PTPRM: variants seen among roughly 807,000 people sequenced by gnomAD.
The protein encoded by PTPRM is receptor-type tyrosine-protein phosphatase mu.
A neutral mutation model predicts 186.7 loss-of-function variants in PTPRM; 47 were observed. The ratio of observed to expected loss-of-function variants is 0.25; its 90% CI spans 0.20 to 0.32. The LOEUF is 0.32. PTPRM is among the 10% of genes least tolerant of loss of function. The pLI, the probability that PTPRM is intolerant of heterozygous loss-of-function variation, is 1.00. For missense variants in PTPRM, 1,494 were observed against 1,865.0 expected (o/e 0.80, Z 3.66); for synonymous variants, 668 against 674.9 (o/e 0.99, Z 0.16).
intron 11 of PTPRM, among the ~76,000 whole-genome samples, chr18:8,112,293 A>T (rs2091790004): frequency 6.6e-6 from 1 of 152,230 alleles, no homozygotes; most frequent in African/African-American, 2.4e-5. Flanking sequence ...AGAAGGTGCT[A>T]AGTGGTTGTG....
intron 3 of PTPRM, among the ~76,000 whole-genome samples, chr18:7,890,979 A>G (rs1389684669): frequency 6.6e-6 from 1 of 152,162 alleles, no homozygotes; most frequent in Non-Finnish European, 1.5e-5. Context: ...ATAAATACTT[A>G]AGAAAGTGGT....
intron 1 of PTPRM, among the ~76,000 whole-genome samples, chr18:7,605,744 C>G (rs548180846): frequency 4.1e-4 from 62 of 152,320 alleles, no homozygotes; most frequent in Non-Finnish European, 7.9e-4. Flanking sequence ...GGCCCTCATT[C>G]TGCAGTCTGA....
chr18:8,184,004 C>A (rs139066958), intron 14 of PTPRM, among the ~76,000 whole-genome samples: 1 of 152,162 alleles, frequency 6.6e-6, no homozygotes, highest in Non-Finnish European at 1.5e-5. Context: ...GCTGATCTCC[C>A]AAGATACTGG....
intron 14 of PTPRM, among the ~76,000 whole-genome samples, chr18:8,146,051 A>C (rs1051522690): frequency 1.5e-4 from 13 of 88,488 alleles, no homozygotes. Flanking sequence ...TTTGAGATGG[A>C]GTTGTTTGCT....
At chr18:7,708,709 A>G (rs1047898752) in intron 1 of PTPRM, among the ~76,000 whole-genome samples, 1 of 152,168 alleles carries the variant, frequency 6.6e-6, no homozygotes, top group Non-Finnish European at 1.5e-5. Context: ...TTATACTGGT[A>G]GAGGCTAGAC....
At chr18:7,666,529 T>G (rs911415698) in intron 1 of PTPRM, among the ~76,000 whole-genome samples, 15 of 152,184 alleles carry the variant, frequency 9.9e-5, no homozygotes, top group African/African-American at 3.4e-4. Flanking sequence ...CTGACGAGTC[T>G]TCACAGTACT....
chr18:7,677,316 T>C (rs1347766018), intron 1 of PTPRM, among the ~76,000 whole-genome samples: 1 of 152,182 alleles, frequency 6.6e-6, no homozygotes, highest in Admixed American at 6.5e-5. Context: ...TTTTCAGCAG[T>C]AATATTAGAT....
intron 2 of PTPRM, among the ~76,000 whole-genome samples, chr18:7,779,879 A>G (rs1008866330): frequency 3.9e-5 from 6 of 152,246 alleles, no homozygotes; most frequent in Admixed American, 3.3e-4. Flanking sequence ...TGAAACAAAT[A>G]AAGATCCTCT....
intron 5 of PTPRM, among the ~76,000 whole-genome samples, chr18:7,937,977 T>A (rs2051931786): frequency 6.6e-6 from 1 of 152,194 alleles, no homozygotes. Context: ...ATATTCTAGG[T>A]GTATATTTTC....
chr18:7,979,116 G>A (rs1676221396), intron 7 of PTPRM, among the ~76,000 whole-genome samples: 3 of 152,104 alleles, frequency 2.0e-5, no homozygotes, highest in Admixed American at 1.3e-4. Flanking sequence ...CAAAAGGGAG[G>A]GCAGAGAGAT....
intron 11 of PTPRM, among the ~76,000 whole-genome samples, chr18:8,112,668 A>T (rs2091807116): frequency 6.6e-6 from 1 of 152,198 alleles, no homozygotes; most frequent in South Asian, 2.1e-4. Flanking sequence ...AAATACCTTA[A>T]TTTTCTAAAA....
At chr18:8,230,209 T>TA (rs547843514) in intron 14 of PTPRM, among the ~76,000 whole-genome samples, 40 of 152,156 alleles carry the variant, frequency 2.6e-4, no homozygotes, top group Admixed American at 7.8e-4. Context: ...TGACTTGTCT[T>TA]AAAAAAAACT....
At chr18:7,948,638 G>C (rs1188928303) in intron 5 of PTPRM, among the ~76,000 whole-genome samples, 2 of 152,134 alleles carry the variant, frequency 1.3e-5, no homozygotes, top group African/African-American at 4.8e-5. Context: ...ACCTAATTCT[G>C]TTTGGTTTTG....
chr18:8,341,331 T>G lies in PTPRM; in HGVS notation c.2957-2092T>G, dbSNP rs139225164. 7.3e-4 allele frequency among the ~76,000 whole-genome samples: 111 copies of G among 152,310 alleles called. 1 individual carries two copies. In the East Asian group the frequency reaches 9.5e-3, roughly 13 times the overall value. ...ACAGACTTACCATCCATTCATTGAT[T>G]CACTGGGTTCCTGCTATGTGCCAGG... On this transcript the variant is annotated intron_variant, in intron 22 of 32. Coordinates refer to ENST00000580170, the MANE Select transcript of PTPRM (RefSeq NM_001105244.2).
intron 11 of PTPRM, among the ~76,000 whole-genome samples, chr18:8,105,839 A>G (rs930815698): frequency 2.0e-5 from 3 of 152,238 alleles, no homozygotes; most frequent in Admixed American, 2.0e-4. Context: ...ATTTTGATAT[A>G]ACTTTAAGGA....
At chr18:7,931,346 AC>A (rs2051473290) in intron 5 of PTPRM, among the ~76,000 whole-genome samples, 1 of 152,196 alleles carries the variant, frequency 6.6e-6, no homozygotes, top group Admixed American at 6.5e-5. Flanking sequence ...TATATATAAC[AC>A]TGAAAAGAGA....
intron 14 of PTPRM, among the ~76,000 whole-genome samples, chr18:8,207,140 T>C (rs1198125341): frequency 6.6e-6 from 1 of 152,094 alleles, no homozygotes; most frequent in African/African-American, 2.4e-5. Flanking sequence ...CCCTAGGAAA[T>C]TAGCACAGAA....
intron 1 of PTPRM, among the ~76,000 whole-genome samples, chr18:7,685,413 G>C (rs1002604879): frequency 6.6e-6 from 1 of 152,154 alleles, no homozygotes; most frequent in Admixed American, 6.5e-5. Flanking sequence ...GATAGTAAAC[G>C]TATTAGAAAA....
At chr18:8,143,372 T>TA (rs139321782) in intron 13 of PTPRM, among the ~76,000 whole-genome samples, 3,765 of 149,900 alleles carry the variant, frequency 0.025, 72 homozygotes, top group African/African-American at 0.052. Flanking sequence ...AATATTTTTC[T>TA]AAAAAAAAAA....
Sources: allele counts gnomAD v4.1 joint callset (sites outside exome capture counted in the v4.1 genomes callset), GRCh38; gene constraint gnomAD v4.1.1; transcripts MANE v1.5; gene names NCBI Gene and HGNC (gene_info 2026-07-23, HGNC 2026-07-21).